The following SLC25A16 variants were observed in gnomAD, a reference collection of about 807,000 sequenced individuals.
The protein encoded by SLC25A16 is mitochondrial coenzyme A transporter SLC25A16.
Under a neutral mutation model 41.5 loss-of-function variants are expected in SLC25A16, and 39 were observed. That is an observed-to-expected ratio of 0.94 (90% CI 0.73 to 1.23). The LOEUF (loss-of-function observed/expected upper bound fraction) is 1.23. SLC25A16 is among the 50% of genes most tolerant of loss of function. The pLI, the probability that SLC25A16 is intolerant of heterozygous loss-of-function variation, is 0.00. For missense variants in SLC25A16, 421 were observed against 426.9 expected (o/e 0.99, Z 0.12); for synonymous variants, 146 against 147.8 (o/e 0.99, Z 0.09).
chr10:68,509,216 A>C (rs2053011471), intron 2 of SLC25A16, among the ~76,000 whole-genome samples: 1 of 151,968 alleles, frequency 6.6e-6, no homozygotes, highest in Non-Finnish European at 1.5e-5. Context: ...GGGTGCCTGT[A>C]ATCCCAGCTA....
At chr10:68,513,959 G>C (rs1436005513) in intron 2 of SLC25A16, among the ~76,000 whole-genome samples, 1 of 152,134 alleles carries the variant, frequency 6.6e-6, no homozygotes, top group Admixed American at 6.6e-5. Context: ...TACTTTGGGA[G>C]ACCAAGACAG....
intron 1 of SLC25A16, among the ~76,000 whole-genome samples, chr10:68,521,582 CTTTTTTTTTTTTTTTT>C (rs757080265): frequency 6.3e-5 from 7 of 110,320 alleles, no homozygotes; most frequent in Non-Finnish European, 7.3e-5. Context: ...TGCCTGTAAT[CTTTTTTTTTTTTTTTT>C]TTTTTTTTTT....
chr10:68,494,490 GGGGAGGA>G (rs1564913832), intron 4 of SLC25A16, among the ~76,000 whole-genome samples: 2 of 143,738 alleles, frequency 1.4e-5, no homozygotes, highest in East Asian at 4.0e-4. Flanking sequence ...GGGGAGGGAA[GGGGAGGA>G]GGGAGGGGAG....
At chr10:68,518,612 A>G (rs1398891350) in intron 1 of SLC25A16, among the ~76,000 whole-genome samples, 1 of 151,230 alleles carries the variant, frequency 6.6e-6, no homozygotes, top group Non-Finnish European at 1.5e-5. Context: ...CATCTCTACT[A>G]AAAACACAAA....
intron 1 of SLC25A16, among the ~76,000 whole-genome samples, chr10:68,525,005 C>CAAGAT (rs2053314179): frequency 6.6e-6 from 1 of 152,026 alleles, no homozygotes; most frequent in Non-Finnish European, 1.5e-5. Flanking sequence ...CAAGATCACG[C>CAAGAT]CACTGCACTC....
At chr10:68,523,639 G>C (rs1208622906) in intron 1 of SLC25A16, among the ~76,000 whole-genome samples, 1 of 151,906 alleles carries the variant, frequency 6.6e-6, no homozygotes, top group African/African-American at 2.4e-5. Flanking sequence ...AGCCTGGCTA[G>C]TTTTTTTGTA....
At chr10:68,502,768 G>A (rs1438759154) in intron 4 of SLC25A16, among the ~76,000 whole-genome samples, 1 of 81,206 alleles carries the variant, frequency 1.2e-5, no homozygotes, top group African/African-American at 4.6e-5. Context: ...GGGAGGGGAG[G>A]GGAGAAGAAA....
chr10:68,506,418 A>T (rs951215146), intron 3 of SLC25A16, among the ~76,000 whole-genome samples, 167 bp downstream of exon 3: 11 of 152,122 alleles, frequency 7.2e-5, no homozygotes, highest in Non-Finnish European at 1.3e-4. Flanking sequence ...ACTGTACCCC[A>T]GCCTGGGCAG....
intron 6 of SLC25A16, among the ~76,000 whole-genome samples, chr10:68,490,986 C>T (rs1432575527): frequency 6.6e-6 from 1 of 151,928 alleles, no homozygotes; most frequent in Non-Finnish European, 1.5e-5. Flanking sequence ...ACCTCCTAGG[C>T]TCAGGCAATC....
At chr10:68,512,366 G>A (rs1168530748) in intron 2 of SLC25A16, among the ~76,000 whole-genome samples, 4 of 90,728 alleles carry the variant, frequency 4.4e-5, no homozygotes, top group South Asian at 4.7e-4. Flanking sequence ...GGCCGGGCGC[G>A]GTGGCTCACG....
chr10:68,493,606 T>C (rs1412047791), intron 4 of SLC25A16, 36 bp from the exon 5 acceptor site: 1 of 1,523,340 alleles, frequency 6.6e-7, no homozygotes. Flanking sequence ...GTACAATGAA[T>C]TTTTGATATA....
Position 68,493,639 on chromosome 10 carries a change from G to A in SLC25A16, c.422-69C>T, listed in dbSNP as rs578118481. The A allele has an allele frequency of 9.0e-5, 111 of 1,228,412 alleles. No homozygotes were observed. In the African/African-American group the frequency reaches 1.6e-3, roughly 18 times the overall value. 76.1% of individuals were successfully genotyped at this position (1,228,412 alleles called of 1,614,324 possible). ...ATATACATATATTCCCCTATCATTAGTATTATTCTCAATATTATGGCAATG... is the reference window on the plus strand; with the variant it reads ...ATATACATATATTCCCCTATCATTAATATTATTCTCAATATTATGGCAATG... On this transcript the variant is annotated intron_variant, in intron 4 of 8. Transcript: ENST00000609923.
intron 8 of SLC25A16, among the ~76,000 whole-genome samples, chr10:68,485,159 G>A (rs2052537954): frequency 6.6e-6 from 1 of 151,944 alleles, no homozygotes; most frequent in Non-Finnish European, 1.5e-5. Context: ...GCACGATCTC[G>A]GCTCACTGCA....
chr10:68,489,412 G>A (rs949415304), intron 6 of SLC25A16, among the ~76,000 whole-genome samples: 19 of 152,132 alleles, frequency 1.2e-4, no homozygotes, highest in Non-Finnish European at 2.1e-4. Context: ...TGAGAGAAGC[G>A]TTTATGTTAA....
At chr10:68,526,207 G>C (rs28616702) in intron 1 of SLC25A16, among the ~76,000 whole-genome samples, 6,843 of 146,416 alleles carry the variant, frequency 0.047, 242 homozygotes, top group African/African-American at 0.084. Context: ...GGTATAAAAC[G>C]CGATTGTATG....
At chr10:68,525,993 G>T (rs543450974) in intron 1 of SLC25A16, among the ~76,000 whole-genome samples, 15 of 151,958 alleles carry the variant, frequency 9.9e-5, no homozygotes, top group African/African-American at 3.6e-4. Context: ...GCCTAGGAAA[G>T]CCAGGTATTG....
At chr10:68,506,501 A>G in intron 3 of SLC25A16, 84 bp downstream of exon 3, 1 of 920,122 alleles carries the variant, frequency 1.1e-6, no homozygotes, top group African/African-American at 1.7e-5. Flanking sequence ...ACTTTTACAT[A>G]TTTTTAAATG....
rs558555246 is a variant in SLC25A16, at chr10:68,501,200, G to A, written c.421+2432C>T. ...CAGGAGGTGGGGGTTGCAGCGAGCC[G>A]AGACTGTGCCACTGCACTCCAACCT... On this transcript the variant is annotated intron_variant, in intron 4 of 8. Coordinates refer to ENST00000609923, the MANE Select transcript of SLC25A16 (RefSeq NM_152707.4). 3.3e-5 allele frequency among the ~76,000 whole-genome samples: 5 copies of A among 151,876 alleles called. No individual in the cohort carries two copies. In the East Asian group the frequency reaches 5.8e-4, roughly 18 times the overall value.
intron 4 of SLC25A16, chr10:68,499,735 G>T: frequency 2.5e-6 from 1 of 395,396 alleles, no homozygotes. Flanking sequence ...TCAGCAAATT[G>T]GCAAAGTAGT....
Sources: allele counts gnomAD v4.1 joint callset (sites outside exome capture counted in the v4.1 genomes callset), GRCh38; gene constraint gnomAD v4.1.1; transcripts MANE v1.5; gene names NCBI Gene and HGNC (gene_info 2026-07-23, HGNC 2026-07-21).